The following RSPO3 variants were observed in gnomAD, a reference collection of about 807,000 sequenced individuals.
The protein encoded by RSPO3 is R-spondin 3.
In RSPO3, 17 loss-of-function variants were observed where a neutral mutation model predicts 36.5. That is an observed-to-expected ratio of 0.47 (90% CI 0.32 to 0.70). The LOEUF (loss-of-function observed/expected upper bound fraction) is 0.70, where lower values mean the gene tolerates loss of function less well. Ranked by LOEUF, RSPO3 falls within the 30% of genes least tolerant of loss-of-function variation. The pLI, the probability that RSPO3 is intolerant of heterozygous loss-of-function variation, is 0.04. For missense variants in RSPO3, 294 were observed against 322.5 expected (o/e 0.91, Z 0.68); for synonymous variants, 108 against 107.0 (o/e 1.01, Z -0.06).
At chr6:127,163,768 C>T (rs1774757773) in intron 4 of RSPO3, among the ~76,000 whole-genome samples, 1 of 152,000 alleles carries the variant, frequency 6.6e-6, no homozygotes, top group African/African-American at 2.4e-5. Context: ...AATGATAGTC[C>T]TTTTTCACCA....
rs1221261849 is a variant in RSPO3, at chr6:127,197,211, A to G, written c.*1204A>G. 5.6e-6 allele frequency: 3 copies of G among 536,366 alleles called. No individual in the cohort carries two copies. Among genetic ancestry groups the G allele is most frequent in the Non-Finnish European group, 9.6e-6 (3 of 313,280 alleles). 33.2% of individuals were successfully genotyped at this position (536,366 alleles called of 1,614,324 possible). ...TTTTGAATCCACCTTTATCTGAGCC[A>G]ATGGAGATTTACTTATAGCGTATTA... On this transcript the variant is annotated 3_prime_UTR_variant, in exon 5 of 5. Transcript: ENST00000356698.
At chr6:127,139,542 T>C (rs1309648178) in intron 1 of RSPO3, among the ~76,000 whole-genome samples, 1 of 102,868 alleles carries the variant, frequency 9.7e-6, no homozygotes, top group Non-Finnish European at 2.1e-5. Flanking sequence ...AAAAAAAATA[T>C]ATCTTTTTTT....
intron 1 of RSPO3, among the ~76,000 whole-genome samples, chr6:127,122,190 A>G (rs556894635): frequency 6.6e-6 from 1 of 152,346 alleles, no homozygotes; most frequent in African/African-American, 2.4e-5. Flanking sequence ...GATATAAACT[A>G]GTGATCCTAG....
chr6:127,189,872 G>A, intron 4 of RSPO3, among the ~76,000 whole-genome samples: 1 of 152,060 alleles, frequency 6.6e-6, no homozygotes, highest in Middle Eastern at 3.2e-3. Flanking sequence ...GAAATTGTGT[G>A]CTTATTTATC....
chr6:127,183,426 G>C (rs367718063), intron 4 of RSPO3, among the ~76,000 whole-genome samples: 2 of 151,932 alleles, frequency 1.3e-5, no homozygotes. Flanking sequence ...CTAACTGGCT[G>C]AGTACTCTAT....
chr6:127,165,145 A>C (rs1774797023), intron 4 of RSPO3, among the ~76,000 whole-genome samples: 1 of 152,080 alleles, frequency 6.6e-6, no homozygotes, highest in African/African-American at 2.4e-5. Flanking sequence ...AATAGTTGCT[A>C]ATTCCAAAAA....
chr6:127,158,000 G>A (rs552488658), intron 4 of RSPO3, among the ~76,000 whole-genome samples: 1 of 150,564 alleles, frequency 6.6e-6, no homozygotes, highest in Non-Finnish European at 1.5e-5. Context: ...CTTCATTTAG[G>A]CTCTACTGTA....
intron 1 of RSPO3, among the ~76,000 whole-genome samples, chr6:127,125,015 T>G (rs916363904): frequency 2.0e-5 from 3 of 152,290 alleles, no homozygotes; most frequent in Non-Finnish European, 1.5e-5. Flanking sequence ...TTGAATAATT[T>G]TTAAATTTTA....
intron 1 of RSPO3, among the ~76,000 whole-genome samples, chr6:127,148,365 T>C (rs985762191): frequency 2.6e-5 from 4 of 151,270 alleles, no homozygotes; most frequent in Admixed American, 6.6e-5. Context: ...ATATATTATA[T>C]GATAAAGAGA....
At chr6:127,164,494 ATATTTT>A (rs1220306775) in intron 4 of RSPO3, among the ~76,000 whole-genome samples, 20 of 152,094 alleles carry the variant, frequency 1.3e-4, no homozygotes, top group Non-Finnish European at 1.5e-5. Flanking sequence ...AATGCTAAGA[ATATTTT>A]AACTATTTTT....
intron 4 of RSPO3, among the ~76,000 whole-genome samples, chr6:127,186,725 G>T (rs1775302521): frequency 6.6e-6 from 1 of 151,950 alleles, no homozygotes; most frequent in Admixed American, 6.6e-5. Flanking sequence ...TTTTAAATTG[G>T]CACGTTAGGC....
At chr6:127,128,669 C>T (rs1773991032) in intron 1 of RSPO3, among the ~76,000 whole-genome samples, 1 of 152,044 alleles carries the variant, frequency 6.6e-6, no homozygotes, top group African/African-American at 2.4e-5. Flanking sequence ...TATTCTGATA[C>T]TGTTGATCAA....
chr6:127,142,129 C>T (rs1055946446), intron 1 of RSPO3, among the ~76,000 whole-genome samples: 23 of 151,952 alleles, frequency 1.5e-4, no homozygotes, highest in African/African-American at 5.1e-4. Context: ...ATGAATAAAC[C>T]TGTATTCACC....
At chr6:127,140,365 G>A (rs1239578806) in intron 1 of RSPO3, among the ~76,000 whole-genome samples, 1 of 152,014 alleles carries the variant, frequency 6.6e-6, no homozygotes, top group Non-Finnish European at 1.5e-5. Context: ...TACACAGAAT[G>A]AAAATTAAAA....
chr6:127,140,360 A>G (rs1044355404), intron 1 of RSPO3, among the ~76,000 whole-genome samples: 6 of 152,166 alleles, frequency 3.9e-5, no homozygotes, highest in Non-Finnish European at 5.9e-5. Flanking sequence ...ACACTTACAC[A>G]GAATGAAAAT....
chr6:127,119,399 C>A, intron 1 of RSPO3, 110 bp downstream of exon 1: 1 of 789,900 alleles, frequency 1.3e-6, no homozygotes, highest in Non-Finnish European at 2.2e-6. Flanking sequence ...CCGCCCTGCG[C>A]CTCGCAGAGG....
chr6:127,171,308 G>C (rs1453737602), intron 4 of RSPO3, among the ~76,000 whole-genome samples: 1 of 151,684 alleles, frequency 6.6e-6, no homozygotes, highest in African/African-American at 2.4e-5. Flanking sequence ...TGCTCCCCAA[G>C]GCATTGTGCA....
chr6:127,150,509 T>C lies in RSPO3; in HGVS notation c.373T>C (p.Cys125Arg). 1 of 1,612,580 alleles carries C rather than the reference T, an allele frequency of 6.2e-7. No individual in the cohort carries two copies. The change falls in exon 3 of 5, where the codon TGC (cysteine) becomes CGC (arginine). Residue 125 changes from cysteine to arginine, a missense_variant. By Grantham distance (180) the Cys-to-Arg change is radical. This residue lies in a region of RSPO3 where 190 missense variants were observed against 185.2 expected (regional missense o/e 1.03). Coordinates refer to ENST00000356698, the MANE Select transcript of RSPO3 (RefSeq NM_032784.5). Reference protein sequence around the residue: ...KSGFYLHLGKCLDNCPEGLEA... With the variant: ...KSGFYLHLGKRLDNCPEGLEA... ...TGGATTTTACTTACACCTTGGAAAG[T>C]GCCTTGACAATTGCCCAGAAGGGTT...
chr6:127,166,449 T>C (rs796402889), intron 4 of RSPO3, among the ~76,000 whole-genome samples: 7 of 152,162 alleles, frequency 4.6e-5, no homozygotes, highest in African/African-American at 1.7e-4. Context: ...GGTTTCAAAT[T>C]TCAGTTGTGC....
Sources: allele counts gnomAD v4.1 joint callset (sites outside exome capture counted in the v4.1 genomes callset), GRCh38; gene constraint gnomAD v4.1.1; regional missense constraint gnomAD v4.1.1; transcripts MANE v1.5; gene names NCBI Gene and HGNC (gene_info 2026-07-23, HGNC 2026-07-21).